Variants in HSD17B2 observed in about 807,000 individuals in gnomAD.
HSD17B2 encodes hydroxysteroid 17-beta dehydrogenase 2, also known as 17-beta-hydroxysteroid dehydrogenase type 2.
A neutral mutation model predicts 26.9 loss-of-function variants in HSD17B2; 32 were observed. That is an observed-to-expected ratio of 1.19 (90% CI 0.90 to 1.60). The LOEUF (loss-of-function observed/expected upper bound fraction) is 1.60, where lower values mean the gene tolerates loss of function less well. HSD17B2 is among the 40% of genes most tolerant of loss of function. The pLI, the probability that HSD17B2 is intolerant of heterozygous loss-of-function variation, is 0.00. For synonymous variants in HSD17B2, 246 were observed against 186.7 expected (o/e 1.32, Z -2.59); for missense variants, 613 against 468.6 (o/e 1.31, Z -2.85).
chr16:82,075,095 G>C (rs1464493247), intron 3 of HSD17B2, among the ~76,000 whole-genome samples: 1 of 152,100 alleles, frequency 6.6e-6, no homozygotes, highest in Non-Finnish European at 1.5e-5. Context: ...ATATTCCTGA[G>C]TGACCAGTAG....
Position 82,035,699 on chromosome 16 carries a change from C to T in HSD17B2, c.265+10C>T, listed in dbSNP as rs368278623. 18 of 1,611,312 alleles carry T rather than the reference C, an allele frequency of 1.1e-5. No individual in the cohort carries two copies. Among genetic ancestry groups the T allele is most frequent in the East Asian group, 2.2e-5 (1 of 44,858 alleles). ...GCAGTCCTGGTGACAGGTAAGCAGA[C>T]GGTGCTACAATTTTCACTGAGGGTA... is the stretch of plus-strand genomic sequence containing the variant. On this transcript the variant is annotated intron_variant, in intron 1 of 4. Transcript: ENST00000199936.
intron 3 of HSD17B2, among the ~76,000 whole-genome samples, chr16:82,076,958 CAG>C (rs1331755345): frequency 6.6e-6 from 1 of 152,054 alleles, no homozygotes; most frequent in Non-Finnish European, 1.5e-5. Context: ...TTAACCTAAC[CAG>C]AGAAGTGAAA....
At position 82,098,349 on chromosome 16, in the gene HSD17B2, T is replaced by C. The variant is rs1003582973; in HGVS notation, c.1077T>C (p.Tyr359=). The C allele has an allele frequency of 5.6e-6, 9 of 1,614,168 alleles. No homozygotes were observed. The highest frequency in any genetic ancestry group is 2.7e-5 in the African/African-American group (2 of 75,042). ...CLAHYLPIGI[Y]DYFAKRHFGQ... is the part of the protein sequence containing the mutation. ...CTCACTATTTGCCTATTGGCATATA[T>C]GATTACTTTGCTAAAAGACATTTTG... The change falls in exon 5 of 5, where the codon TAT becomes TAC. Residue 359 remains tyrosine (Y), a synonymous_variant. Transcript: ENST00000199936.
chr16:82,080,200 T>A lies in HSD17B2; in HGVS notation c.664+9073T>A, dbSNP rs545357984. Among the ~76,000 whole-genome samples, 3 of 152,312 alleles carry A rather than the reference T, an allele frequency of 2.0e-5. No homozygotes were observed. In the South Asian group the frequency reaches 6.2e-4, roughly 32 times the overall value. On this transcript the variant is annotated intron_variant, in intron 3 of 4. Coordinates refer to ENST00000199936, the MANE Select transcript of HSD17B2 (RefSeq NM_002153.3). ...CAGGCTGTTGTGAGTAGGCAGCTGG[T>A]CTGGGAGGCAGAATAATGGGTCCCC... is the stretch of plus-strand genomic sequence containing the variant.
chr16:82,098,042 A>C (rs768439801), intron 4 of HSD17B2, 33 bp from the exon 5 acceptor site: 1 of 1,579,656 alleles, frequency 6.3e-7, no homozygotes, highest in South Asian at 1.2e-5. Flanking sequence ...TGGCCTTCCC[A>C]GGATCTGACT....
chr16:82,054,807 G>A (rs7203108), intron 1 of HSD17B2, among the ~76,000 whole-genome samples: 7,653 of 152,246 alleles, frequency 0.05, 662 homozygotes, highest in African/African-American at 0.17. Context: ...GTGCTGTCCA[G>A]TAGAAATATT....
intron 1 of HSD17B2, among the ~76,000 whole-genome samples, chr16:82,052,635 G>T: frequency 6.6e-6 from 1 of 152,182 alleles, no homozygotes; most frequent in East Asian, 1.9e-4. Flanking sequence ...TGACAAAGCT[G>T]GGCCCTGAAT....
intron 1 of HSD17B2, among the ~76,000 whole-genome samples, chr16:82,049,558 G>C (rs1021319523): frequency 2.0e-5 from 3 of 152,246 alleles, no homozygotes; most frequent in African/African-American, 7.2e-5. Context: ...GATGCTGTGA[G>C]CATTTCGGAA....
intron 4 of HSD17B2, chr16:82,096,313 C>T (rs1904837280): frequency 6.6e-6 from 1 of 152,168 alleles, no homozygotes; most frequent in South Asian, 2.1e-4. Flanking sequence ...CCTCTGCCTC[C>T]TGGGTTCAAG....
intron 3 of HSD17B2, among the ~76,000 whole-genome samples, chr16:82,084,123 G>C (rs1266387269): frequency 1.3e-5 from 2 of 152,114 alleles, no homozygotes; most frequent in Non-Finnish European, 2.9e-5. Context: ...TCGGTTACTA[G>C]CTGGGTGACC....
intron 1 of HSD17B2, among the ~76,000 whole-genome samples, chr16:82,066,950 T>C (rs1178414326): frequency 6.6e-6 from 1 of 152,236 alleles, no homozygotes; most frequent in Non-Finnish European, 1.5e-5. Flanking sequence ...ATCATTTATG[T>C]GCCTGCAAGT....
intron 1 of HSD17B2, among the ~76,000 whole-genome samples, chr16:82,059,179 C>T (rs1221695191): frequency 3.3e-5 from 5 of 152,210 alleles, no homozygotes; most frequent in African/African-American, 4.8e-5. Flanking sequence ...TAATAACATT[C>T]ACCAATATTG....
intron 1 of HSD17B2, among the ~76,000 whole-genome samples, chr16:82,051,085 T>A (rs1056270130): frequency 6.6e-6 from 1 of 152,218 alleles, no homozygotes; most frequent in Non-Finnish European, 1.5e-5. Flanking sequence ...TCTCCAGGTG[T>A]ATTTCTCAAT....
At chr16:82,049,637 G>C (rs1914045378) in intron 1 of HSD17B2, among the ~76,000 whole-genome samples, 1 of 152,192 alleles carries the variant, frequency 6.6e-6, no homozygotes, top group African/African-American at 2.4e-5. Context: ...ACAGCCCTGG[G>C]GCTTTATCAG....
intron 4 of HSD17B2, chr16:82,094,360 C>G (rs1039882507): frequency 6.6e-6 from 1 of 152,174 alleles, no homozygotes; most frequent in South Asian, 2.1e-4. Flanking sequence ...ATACCTCTAC[C>G]CTTTCTATGT....
At chr16:82,086,867 G>C (rs1904542480) in intron 3 of HSD17B2, among the ~76,000 whole-genome samples, 1 of 152,124 alleles carries the variant, frequency 6.6e-6, no homozygotes, top group Non-Finnish European at 1.5e-5. Context: ...TTCTGGTGAG[G>C]GCTCTCTTCC....
intron 1 of HSD17B2, among the ~76,000 whole-genome samples, chr16:82,062,101 T>C (rs1340595078): frequency 1.3e-5 from 2 of 152,202 alleles, no homozygotes; most frequent in Non-Finnish European, 2.9e-5. Flanking sequence ...ATAAATACAC[T>C]TTGCAACTAC....
chr16:82,042,639 GA>G (rs1913798609), intron 1 of HSD17B2, among the ~76,000 whole-genome samples: 1 of 151,648 alleles, frequency 6.6e-6, no homozygotes, highest in Admixed American at 6.6e-5. Context: ...ATTATTTTTT[GA>G]GAAGGAGTTT....
intron 3 of HSD17B2, among the ~76,000 whole-genome samples, chr16:82,075,814 T>C (rs1374984148): frequency 2.6e-5 from 4 of 151,440 alleles, no homozygotes; most frequent in African/African-American, 9.7e-5. Context: ...CCGATTGTAC[T>C]CGAGTATTCT....
Sources: gnomAD v4.1 joint callset for allele counts (sites outside exome capture counted in the v4.1 genomes callset) on GRCh38, gnomAD v4.1.1 for gene constraint, MANE v1.5 for transcripts, NCBI Gene and HGNC (gene_info 2026-07-23, HGNC 2026-07-21) for gene names.